The following EYA1 variants were observed in gnomAD, a reference collection of about 807,000 sequenced individuals.
EYA1 encodes EYA transcriptional coactivator and phosphatase 1.
Under a neutral mutation model 82.0 loss-of-function variants are expected in EYA1, and 16 were observed. The observed-to-expected ratio is 0.20, with a 90% CI of 0.13 to 0.30. The LOEUF (loss-of-function observed/expected upper bound fraction) is 0.30. Ranked by LOEUF, EYA1 falls within the 10% of genes least tolerant of loss-of-function variation. The pLI is 1.00. For synonymous variants in EYA1, 261 were observed against 264.4 expected (o/e 0.99, Z 0.12); for missense variants, 633 against 730.7 (o/e 0.87, Z 1.54).
rs75142065 is a variant in EYA1, at chr8:71,321,632, G to A, written c.418+102C>T. On this transcript the variant is annotated intron_variant, in intron 6 of 17. Transcript: ENST00000340726. Reference sequence around the variant, plus strand: ...ATTTAGACACAGAAGGTGACAACACGTTCTAAATTGGCCAAAGATTGGGTC... The same window carrying A: ...ATTTAGACACAGAAGGTGACAACACATTCTAAATTGGCCAAAGATTGGGTC... 7,084 of 1,414,782 alleles carry A rather than the reference G, an allele frequency of 5.0e-3. 290 individuals are homozygous for A. The African/African-American group carries it at 0.087, about 17-fold the overall frequency. 87.6% of individuals were successfully genotyped at this position (1,414,782 alleles called of 1,614,324 possible). A position where few individuals can be genotyped will look rare whatever the true frequency, so the allele number is the denominator to read the frequency against.
At chr8:71,213,296 A>C (rs1306496775) in intron 16 of EYA1, among the ~76,000 whole-genome samples, 4 of 152,212 alleles carry the variant, frequency 2.6e-5, no homozygotes, top group Non-Finnish European at 4.4e-5. Flanking sequence ...CATGCTATGT[A>C]ATACACTACT....
intron 2 of EYA1, among the ~76,000 whole-genome samples, chr8:71,369,825 A>T (rs1333923857): frequency 6.6e-6 from 1 of 152,138 alleles, no homozygotes; most frequent in African/African-American, 2.4e-5. Flanking sequence ...ACAGATTGTT[A>T]TATTTTCCTT....
At chr8:71,529,065 C>A (rs1411705229) in intron 2 of EYA1, among the ~76,000 whole-genome samples, 2 of 152,158 alleles carry the variant, frequency 1.3e-5, no homozygotes, top group Non-Finnish European at 2.9e-5. Context: ...GTTATCTCTA[C>A]TGGTAAAAAA....
At chr8:71,341,987 G>A (rs992225814) in intron 3 of EYA1, among the ~76,000 whole-genome samples, 7 of 152,172 alleles carry the variant, frequency 4.6e-5, no homozygotes, top group South Asian at 4.1e-4. Flanking sequence ...GGTAAATCAC[G>A]ACTGCTCCTT....
At chr8:71,360,296 A>C (rs1443867490) in intron 1 of EYA1, among the ~76,000 whole-genome samples, 1 of 152,240 alleles carries the variant, frequency 6.6e-6, no homozygotes, top group Admixed American at 6.5e-5. Context: ...TTTACTTAAA[A>C]TGTTGAATGA....
intron 7 of EYA1, among the ~76,000 whole-genome samples, chr8:71,304,878 G>A (rs533942361): frequency 7.0e-6 from 1 of 142,560 alleles, no homozygotes; most frequent in African/African-American, 2.5e-5. Context: ...AGTTTAGAAC[G>A]CCACAAAGCA....
chr8:71,346,437 T>TATA (rs1206774810), intron 3 of EYA1, among the ~76,000 whole-genome samples: 9 of 138,758 alleles, frequency 6.5e-5, no homozygotes, highest in African/African-American at 2.5e-4. Flanking sequence ...AGTGAATATA[T>TATA]ATATATATAT....
chr8:71,336,338 C>T (rs949324154), intron 3 of EYA1, among the ~76,000 whole-genome samples: 4 of 152,192 alleles, frequency 2.6e-5, no homozygotes, highest in African/African-American at 9.6e-5. Flanking sequence ...GCCTAGTGAA[C>T]TTGCTGGAAA....
rs114782389 is a variant in EYA1, at chr8:71,467,074, T to A, written c.33+68670A>T. Among the ~76,000 whole-genome samples, 1,510 of 152,186 alleles carry A rather than the reference T, an allele frequency of 9.9e-3. 31 individuals carry two copies. The highest frequency in any genetic ancestry group is 0.034 in the African/African-American group (1,419 of 41,562). Reference sequence around the variant, plus strand: ...CAGGCTTTTAGGTTAATAAGTAAAATTAAGAATTTATTTTATTGTGGTATG... The same window carrying A: ...CAGGCTTTTAGGTTAATAAGTAAAAATAAGAATTTATTTTATTGTGGTATG... On this transcript the variant is annotated intron_variant, in intron 2 of 18. Transcript: ENST00000643681.
At chr8:71,509,036 G>A (rs1812404295) in intron 2 of EYA1, among the ~76,000 whole-genome samples, 2 of 151,996 alleles carry the variant, frequency 1.3e-5, no homozygotes, top group African/African-American at 2.4e-5. Context: ...AGCCTGGACA[G>A]CACAGAGAAA....
At chr8:71,321,158 A>G (rs1362381874) in intron 6 of EYA1, among the ~76,000 whole-genome samples, 3 of 152,182 alleles carry the variant, frequency 2.0e-5, no homozygotes, top group Non-Finnish European at 4.4e-5. Flanking sequence ...GATAAAGATA[A>G]TCTCCAGGTG....
intron 2 of EYA1, among the ~76,000 whole-genome samples, chr8:71,474,027 C>T (rs1425192759): frequency 6.6e-6 from 1 of 151,850 alleles, no homozygotes; most frequent in East Asian, 1.9e-4. Context: ...GGGAGGGGAA[C>T]ATCACATACC....
At chr8:71,469,762 C>A (rs1459745694) in intron 2 of EYA1, among the ~76,000 whole-genome samples, 2 of 152,020 alleles carry the variant, frequency 1.3e-5, no homozygotes, top group African/African-American at 4.8e-5. Context: ...CATATCAGTG[C>A]CTTTGACTTT....
At chr8:71,245,084 T>G (rs1394072009) in intron 11 of EYA1, among the ~76,000 whole-genome samples, 1 of 152,178 alleles carries the variant, frequency 6.6e-6, no homozygotes, top group Non-Finnish European at 1.5e-5. Context: ...AGCATCTAAG[T>G]GCACTGTCAC....
intron 2 of EYA1, among the ~76,000 whole-genome samples, chr8:71,393,147 G>A (rs1829373749): frequency 6.6e-6 from 1 of 152,062 alleles, no homozygotes; most frequent in African/African-American, 2.4e-5. Flanking sequence ...AAGTACAAGT[G>A]CAATATTCAC....
chr8:71,474,740 G>A (rs1325129042), intron 2 of EYA1, among the ~76,000 whole-genome samples: 1 of 152,052 alleles, frequency 6.6e-6, no homozygotes, highest in Non-Finnish European at 1.5e-5. Flanking sequence ...ATAATTAAAA[G>A]GAAAAAGAAA....
chr8:71,366,422 C>T (rs1182794783), upstream of EYA1, among the ~76,000 whole-genome samples: 1 of 152,170 alleles, frequency 6.6e-6, no homozygotes, highest in East Asian at 1.9e-4. Context: ...CTTTCTCGCG[C>T]TGTGAAATGG....
chr8:71,280,423 A>G (rs1314390716), intron 9 of EYA1, among the ~76,000 whole-genome samples: 2 of 152,226 alleles, frequency 1.3e-5, no homozygotes, highest in Admixed American at 1.3e-4. Context: ...AATATGACAG[A>G]TATTTCTAAC....
intron 4 of EYA1, among the ~76,000 whole-genome samples, chr8:71,323,285 A>AT (rs144657762): frequency 0.016 from 2,458 of 152,228 alleles, 74 homozygotes; most frequent in African/African-American, 0.055. Flanking sequence ...GGGGGCAATT[A>AT]TTATAAGATG....
Sources: gnomAD v4.1 joint callset for allele counts (sites outside exome capture counted in the v4.1 genomes callset) on GRCh38, gnomAD v4.1.1 for gene constraint, MANE v1.5 for transcripts, NCBI Gene and HGNC (gene_info 2026-07-23, HGNC 2026-07-21) for gene names.